The following SUFU variants were observed in gnomAD, a reference collection of about 807,000 sequenced individuals.
SUFU encodes suppressor of fused homolog.
A neutral mutation model predicts 58.9 loss-of-function variants in SUFU; 7 were observed. The observed-to-expected ratio is 0.12, with a 90% CI of 0.07 to 0.22. The LOEUF is 0.22. SUFU is among the 10% of genes least tolerant of loss of function. The pLI, the probability that SUFU is intolerant of heterozygous loss-of-function variation, is 1.00. For synonymous variants in SUFU, 232 were observed against 254.8 expected, an observed-to-expected ratio of 0.91 and a Z score of 0.85; for missense variants, 451 against 641.3, an observed-to-expected ratio of 0.70 and a Z score of 3.20.
chr10:102,599,102 G>A (rs536513221), intron 7 of SUFU, among the ~76,000 whole-genome samples: 1 of 152,166 alleles, frequency 6.6e-6, no homozygotes, highest in Non-Finnish European at 1.5e-5. Context: ...ATCCCCAGTA[G>A]TCAGTCACTG....
Position 102,597,286 on chromosome 10 carries a change from T to C in SUFU, c.903T>C (p.Ser301=), listed in dbSNP as rs1379570043. 1 of 1,612,882 alleles carries C rather than the reference T, an allele frequency of 6.2e-7. No homozygotes were observed. The highest frequency in any genetic ancestry group is 1.1e-5 in the South Asian group (1 of 91,022). ...ICIGTQPRRL[S]GKDTEQIRET... ...TCGGCACACAGCCCCGGCGACTCTC[T>C]GGCAAAGGTGGGAGCCATCACTCAG... is the stretch of plus-strand genomic sequence containing the variant. The change falls in exon 7 of 12, where the codon TCT becomes TCC. Residue 301 remains serine, a synonymous_variant. Transcript: ENST00000369902.
intron 3 of SUFU, among the ~76,000 whole-genome samples, chr10:102,551,133 C>A (rs2135745909): frequency 6.6e-6 from 1 of 152,364 alleles, no homozygotes; most frequent in East Asian, 1.9e-4. Context: ...CATTTCACAC[C>A]TGTGGGAGCC....
chr10:102,624,880 C>G (rs1318055316), intron 10 of SUFU, among the ~76,000 whole-genome samples: 1 of 152,206 alleles, frequency 6.6e-6, no homozygotes, highest in Non-Finnish European at 1.5e-5. Context: ...CACCCCATCT[C>G]ACCCCCAGCA....
At chr10:102,594,788 G>A (rs1361692112) in intron 6 of SUFU, among the ~76,000 whole-genome samples, 6 of 151,996 alleles carry the variant, frequency 3.9e-5, no homozygotes, top group Non-Finnish European at 8.8e-5. Context: ...GCACAATCTC[G>A]GCTTACTGCA....
Position 102,550,151 on chromosome 10 carries a change from G to T in SUFU, c.454+45G>T, listed in dbSNP as rs117807100. The T allele has an allele frequency of 1.4e-3, 2,202 of 1,613,534 alleles. 3 individuals are homozygous for T. Among genetic ancestry groups the T allele is most frequent in the Non-Finnish European group, 1.4e-3 (1,696 of 1,179,832 alleles). On this transcript the variant is annotated intron_variant, in intron 3 of 11. Coordinates refer to ENST00000369902, the MANE Select transcript of SUFU (RefSeq NM_016169.4). ...TGCTGTGCTGGTCCTTTTGCCATGA[G>T]CCTGGTTGACTTTGAGTACTAGCAG...
rs918510687 is a variant in SUFU, at chr10:102,625,324, C to T, written c.1297-1851C>T. ...TGCCTCTCCTGCTCTGTCTCTAAGCCTTGTCTCTGTCCTTGGTCGGGGCCC... is the reference window on the plus strand; with the variant it reads ...TGCCTCTCCTGCTCTGTCTCTAAGCTTTGTCTCTGTCCTTGGTCGGGGCCC... On this transcript the variant is annotated intron_variant, in intron 10 of 11. Transcript: ENST00000369902. This position sits in a 1 kb window ranked among gnomAD's most constrained non-coding sequence, Gnocchi z 4.7. Among the ~76,000 whole-genome samples, 7 of 152,196 alleles carry T rather than the reference C, an allele frequency of 4.6e-5. No homozygotes were observed. The highest frequency in any genetic ancestry group is 1.4e-4 in the African/African-American group (6 of 41,456).
At position 102,540,659 on chromosome 10, in the gene SUFU, ATAAC is replaced by A. The variant is rs201120162; in HGVS notation, c.318-9299_318-9296del. On this transcript the variant is annotated intron_variant, in intron 2 of 11. Coordinates refer to ENST00000369902, the MANE Select transcript of SUFU (RefSeq NM_016169.4). ...GAGCAAGACTCTGTCTCAAAAAATA[ATAAC>A]TAACTAACTAAATAAATACTATACC... Among the ~76,000 whole-genome samples the A allele has an allele frequency of 8.7e-3, 1,320 of 151,940 alleles. 16 individuals are homozygous for A. The highest frequency in any genetic ancestry group is 0.03 in the African/African-American group (1,232 of 41,414).
At chr10:102,620,008 C>T (rs1386686554) in intron 10 of SUFU, among the ~76,000 whole-genome samples, 1 of 152,214 alleles carries the variant, frequency 6.6e-6, no homozygotes, top group Non-Finnish European at 1.5e-5. Context: ...CCCCAGGGTT[C>T]CGAGGTGTCT....
At chr10:102,534,344 G>A (rs762196340) in intron 2 of SUFU, among the ~76,000 whole-genome samples, 7 of 152,168 alleles carry the variant, frequency 4.6e-5, no homozygotes, top group East Asian at 1.9e-4. Flanking sequence ...GGAGAATGGC[G>A]TGAACCCGGG....
chr10:102,507,874 A>C (rs1277822719), intron 1 of SUFU, among the ~76,000 whole-genome samples: 2 of 152,048 alleles, frequency 1.3e-5, no homozygotes, highest in African/African-American at 4.8e-5. Flanking sequence ...GGCAGCTCAA[A>C]TGCCGTGTTT....
In SUFU at chr10:102,599,471, G is replaced by C; in HGVS notation, c.949G>C (p.Glu317Gln). 1.2e-6 allele frequency: 2 copies of C among 1,614,146 alleles called. No individual in the cohort carries two copies. Among genetic ancestry groups the C allele is most frequent in the Non-Finnish European group, 1.7e-6 (2 of 1,180,034 alleles). ...CCGGGAGACCCTGAGGAGAGGACTCGAGATCAACAGCAAACCTGTCCTTCC... is the reference window on the plus strand; with the variant it reads ...CCGGGAGACCCTGAGGAGAGGACTCCAGATCAACAGCAAACCTGTCCTTCC... Reference protein sequence around the residue: ...QIRETLRRGLEINSKPVLPPI... With the variant: ...QIRETLRRGLQINSKPVLPPI... Residue 317 changes from glutamate to glutamine, a missense_variant, in exon 8 of 12, where the codon GAG becomes CAG. Glu to Gln is a conservative substitution (Grantham distance 29). Coordinates refer to ENST00000369902, the MANE Select transcript of SUFU (RefSeq NM_016169.4).
intron 8 of SUFU, among the ~76,000 whole-genome samples, chr10:102,608,517 G>T (rs1374644506): frequency 6.6e-6 from 1 of 152,224 alleles, no homozygotes; most frequent in Non-Finnish European, 1.5e-5. Context: ...TTGAGGGTGA[G>T]CCATGGAGAA....
At chr10:102,504,369 G>A (rs754790757) in intron 1 of SUFU, 35 bp downstream of exon 1, 26 of 1,612,170 alleles carry the variant, frequency 1.6e-5, no homozygotes, top group Admixed American at 3.3e-5. Context: ...GGACAGGCGC[G>A]GGCTGGAAAG....
At chr10:102,555,057 A>G (rs1307627907) in intron 3 of SUFU, among the ~76,000 whole-genome samples, 1 of 152,122 alleles carries the variant, frequency 6.6e-6, no homozygotes, top group Non-Finnish European at 1.5e-5. Context: ...TCACAAGGTC[A>G]GGAGATCAAG....
chr10:102,504,118 C>T lies in SUFU; in HGVS notation c.-35C>T. 1 of 1,529,828 alleles carries T rather than the reference C, an allele frequency of 6.5e-7. No individual in the cohort carries two copies. Among genetic ancestry groups the T allele is most frequent in the South Asian group, 1.2e-5 (1 of 82,932 alleles). 94.8% of individuals were successfully genotyped at this position (1,529,828 alleles called of 1,614,324 possible). ...CAGTGCTCTCCCCGTCGTTTGCCCT[C>T]TCCAGTTCCCCCAGTGCCTGCCCTA... On this transcript the variant is annotated 5_prime_UTR_variant, in exon 1 of 12. Coordinates refer to ENST00000369902, the MANE Select transcript of SUFU (RefSeq NM_016169.4).
intron 3 of SUFU, among the ~76,000 whole-genome samples, chr10:102,581,299 C>T (rs1761746214): frequency 6.6e-6 from 1 of 151,828 alleles, no homozygotes; most frequent in Admixed American, 6.6e-5. Flanking sequence ...CTGAGTGGCC[C>T]CCATTAGGAG....
intron 3 of SUFU, among the ~76,000 whole-genome samples, chr10:102,553,081 G>A (rs984550245): frequency 6.6e-6 from 1 of 152,160 alleles, no homozygotes; most frequent in Non-Finnish European, 1.5e-5. Context: ...ACGTCAGAAC[G>A]GGACAGGGTG....
rs776432410 is a variant in SUFU, at chr10:102,628,605, C to A, written c.1365+1362C>A. ...CAGTCCAGGCAAGAGGGACAGAAGC[C>A]TGGGGGAGCAGAGGAAAGTAGGTCA... On this transcript the variant is annotated intron_variant, in intron 11 of 11. Transcript: ENST00000369902. The surrounding 1 kb of genome is among the most constrained non-coding windows in gnomAD (Gnocchi z 4.5). Among the ~76,000 whole-genome samples, 6 of 152,154 alleles carry A rather than the reference C, an allele frequency of 3.9e-5. No homozygotes were observed. The highest frequency in any genetic ancestry group is 5.9e-5 in the Non-Finnish European group (4 of 68,030).
intron 8 of SUFU, among the ~76,000 whole-genome samples, chr10:102,613,367 T>G (rs974998068): frequency 1.3e-5 from 2 of 152,224 alleles, no homozygotes; most frequent in Non-Finnish European, 2.9e-5. Context: ...GAGTGAGTCC[T>G]CACAAGGAGA....
Sources: gnomAD v4.1 joint callset for allele counts (sites outside exome capture counted in the v4.1 genomes callset) on GRCh38, gnomAD v4.1.1 for gene constraint, Gnocchi (gnomAD v3.1) non-coding constraint, MANE v1.5 for transcripts, NCBI Gene and HGNC (gene_info 2026-07-23, HGNC 2026-07-21) for gene names.